The following FBXO36 variants were observed in gnomAD, a reference collection of about 807,000 sequenced individuals.
The protein encoded by FBXO36 is F-box only protein 36.
A neutral mutation model predicts 17.0 loss-of-function variants in FBXO36; 18 were observed. That is an observed-to-expected ratio of 1.06 (90% CI 0.73 to 1.57). The LOEUF (loss-of-function observed/expected upper bound fraction) is 1.57, where lower values mean the gene tolerates loss of function less well. Ranked by LOEUF, FBXO36 falls within the 40% of genes most tolerant of loss-of-function variation. The pLI, the probability that FBXO36 is intolerant of heterozygous loss-of-function variation, is 0.00. For synonymous variants in FBXO36, 83 were observed against 85.3 expected, an observed-to-expected ratio of 0.97 and a Z score of 0.15; for missense variants, 229 against 221.9, an observed-to-expected ratio of 1.03 and a Z score of -0.20.
rs1436790116 is a variant in FBXO36 at position 229,983,869 on chromosome 2, T to G, written c.205+7520T>G. Reference sequence around the variant, plus strand: ...TCACAGGATCCTTATGAGGACTAATTGAATGAAGTGCTTAGAATTTGCCTG... The same window carrying G: ...TCACAGGATCCTTATGAGGACTAATGGAATGAAGTGCTTAGAATTTGCCTG... On this transcript the variant is annotated intron_variant, in intron 2 of 3. Coordinates refer to ENST00000283946, the MANE Select transcript of FBXO36 (RefSeq NM_174899.5). Among the ~76,000 whole-genome samples the G allele has an allele frequency of 2.0e-5, 3 of 152,308 alleles. No homozygotes were observed. The East Asian group carries it at 5.8e-4, about 29-fold the overall frequency.
At chr2:230,002,651 T>G (rs909381159) in intron 3 of FBXO36, among the ~76,000 whole-genome samples, 2 of 152,168 alleles carry the variant, frequency 1.3e-5, no homozygotes, top group African/African-American at 4.8e-5. Context: ...CCCAAAGTGT[T>G]AGGATTACAG....
In FBXO36 at chr2:229,922,553, G is replaced by C. The variant is rs759036863; in HGVS notation, c.40G>C (p.Gly14Arg). ...GCCGGAGACTCTCTTTGAAACTGTA[G>C]GACAAGGCCCGCCGCCTAGCAAAGA... The part of the protein sequence containing the change: ...WLPETLFETV[G>R]QGPPPSKDYY... Residue 14 changes from glycine to arginine, a missense_variant, in exon 1 of 4, where the codon GGA becomes CGA. Physicochemically the swap from Gly to Arg is moderately radical, Grantham distance 125. Transcript: ENST00000283946. 2.8e-5 allele frequency: 45 copies of C among 1,613,958 alleles called. No homozygotes were observed. The African/African-American group carries it at 3.7e-4, about 13-fold the overall frequency.
chr2:230,008,402 A>T (rs1160995700), intron 3 of FBXO36, among the ~76,000 whole-genome samples: 2 of 152,184 alleles, frequency 1.3e-5, no homozygotes, highest in African/African-American at 4.8e-5. Flanking sequence ...GGATCTGAGT[A>T]GCCAAAACTA....
At chr2:229,969,000 C>T (rs1216774680) in intron 1 of FBXO36, among the ~76,000 whole-genome samples, 1 of 151,944 alleles carries the variant, frequency 6.6e-6, no homozygotes, top group South Asian at 2.1e-4. Flanking sequence ...TCTCAAACTC[C>T]AGACCTCAAG....
intron 2 of FBXO36, among the ~76,000 whole-genome samples, chr2:229,980,513 C>T (rs528050505): frequency 6.6e-5 from 10 of 152,100 alleles, no homozygotes; most frequent in Non-Finnish European, 1.5e-4. Context: ...TCAAAAGCCT[C>T]CCACTGCCTT....
chr2:229,966,691 A>C (rs2077154790), intron 1 of FBXO36, among the ~76,000 whole-genome samples: 1 of 152,176 alleles, frequency 6.6e-6, no homozygotes, highest in South Asian at 2.1e-4. Context: ...AGATGGTTGT[A>C]GATCTGTGGT....
chr2:229,956,858 T>C (rs2077090903), intron 1 of FBXO36, among the ~76,000 whole-genome samples: 1 of 152,168 alleles, frequency 6.6e-6, no homozygotes, highest in Non-Finnish European at 1.5e-5. Context: ...TGGGGTATTG[T>C]TTTCTAAGCC....
intron 1 of FBXO36, among the ~76,000 whole-genome samples, chr2:229,947,144 GACA>G (rs1478334460): frequency 6.6e-6 from 1 of 152,146 alleles, no homozygotes; most frequent in Non-Finnish European, 1.5e-5. Context: ...CTCCAGCCTG[GACA>G]ACAAGAGCGA....
At chr2:229,997,706 C>T (rs2077334812) in intron 3 of FBXO36, among the ~76,000 whole-genome samples, 1 of 152,106 alleles carries the variant, frequency 6.6e-6, no homozygotes, top group Admixed American at 6.6e-5. Flanking sequence ...GTGGGCTGTC[C>T]ATTGCAGTGT....
intron 1 of FBXO36, among the ~76,000 whole-genome samples, chr2:229,958,356 C>T (rs1036172333): frequency 2.7e-5 from 4 of 150,372 alleles, no homozygotes; most frequent in African/African-American, 7.4e-5. Flanking sequence ...CTGCAACCTC[C>T]ACCTCCTGGG....
At chr2:229,939,238 C>T (rs2076984302) in intron 1 of FBXO36, 1 of 985,242 alleles carries the variant, frequency 1.0e-6, no homozygotes, top group South Asian at 4.7e-5. Context: ...CAACTTTCTA[C>T]CTCGTAATAA....
chr2:229,927,981 A>G (rs2076921685), intron 1 of FBXO36, among the ~76,000 whole-genome samples: 2 of 152,196 alleles, frequency 1.3e-5, no homozygotes, highest in Non-Finnish European at 2.9e-5. Flanking sequence ...ACTGCAGACC[A>G]ATTTTGAAGA....
At chr2:229,931,091 C>G (rs1690791077) in intron 1 of FBXO36, among the ~76,000 whole-genome samples, 1 of 152,076 alleles carries the variant, frequency 6.6e-6, no homozygotes, top group Non-Finnish European at 1.5e-5. Flanking sequence ...TTTTTAATTT[C>G]TTTTAATTTT....
intron 1 of FBXO36, among the ~76,000 whole-genome samples, chr2:229,962,297 ATAAT>A (rs1285112815): frequency 6.6e-6 from 1 of 152,030 alleles, no homozygotes; most frequent in African/African-American, 2.4e-5. Context: ...CTACTTATAA[ATAAT>A]TAGATAATGA....
At chr2:229,950,752 CTTT>C (rs71049605) in intron 1 of FBXO36, among the ~76,000 whole-genome samples, 11 of 75,068 alleles carry the variant, frequency 1.5e-4, no homozygotes, top group Admixed American at 2.9e-4. Flanking sequence ...CTTCAGGCTA[CTTT>C]TTTTTTTTTT....
chr2:229,975,959 C>T (rs7603794), intron 1 of FBXO36, among the ~76,000 whole-genome samples: 3,344 of 152,136 alleles, frequency 0.022, 53 homozygotes, highest in Non-Finnish European at 0.032. Context: ...CCACCCACCT[C>T]GGCCTCCCAA....
chr2:229,973,586 T>C (rs1054349063), intron 1 of FBXO36, among the ~76,000 whole-genome samples: 1 of 151,276 alleles, frequency 6.6e-6, no homozygotes, highest in African/African-American at 2.4e-5. Context: ...CCAGGTGCCG[T>C]GGTGGGCGCC....
intron 1 of FBXO36, 26 bp from the exon 2 acceptor site, chr2:229,976,215 T>A: frequency 1.3e-6 from 2 of 1,535,398 alleles, no homozygotes; most frequent in South Asian, 2.4e-5. Context: ...CAATTTTAAT[T>A]CATATCACTT....
chr2:229,996,441 G>C (rs2077327809), intron 2 of FBXO36, among the ~76,000 whole-genome samples: 2 of 152,088 alleles, frequency 1.3e-5, no homozygotes, highest in Admixed American at 6.6e-5. Flanking sequence ...GTAATGCCAA[G>C]ACCAATTACG....
Sources: gnomAD v4.1 joint callset for allele counts (sites outside exome capture counted in the v4.1 genomes callset) on GRCh38, gnomAD v4.1.1 for gene constraint, MANE v1.5 for transcripts, NCBI Gene and HGNC (gene_info 2026-07-23, HGNC 2026-07-21) for gene names.